The following CBFB variants were observed in gnomAD, a reference collection of about 807,000 sequenced individuals.
CBFB encodes the protein CBF-beta.
In CBFB, 9 loss-of-function variants were observed where a neutral mutation model predicts 30.4. That is an observed-to-expected ratio of 0.30 (90% CI 0.18 to 0.52). The LOEUF (loss-of-function observed/expected upper bound fraction) is 0.52. CBFB is among the 20% of genes least tolerant of loss of function. CBFB has a pLI of 0.97. For missense variants in CBFB, 170 were observed against 244.0 expected (o/e 0.70, Z 2.02); for synonymous variants, 94 against 84.0 (o/e 1.12, Z -0.65).
chr16:67,064,822 TTTGTTGTTGTTTTTTA>T (rs970373622), intron 3 of CBFB, among the ~76,000 whole-genome samples: 4 of 152,266 alleles, frequency 2.6e-5, no homozygotes, highest in South Asian at 2.1e-4. Flanking sequence ...GTTTTTGTTT[TTTGTTGTTGTTTTTTA>T]TTGTTGTTGT....
At chr16:67,048,407 G>T (rs1966668834) in intron 3 of CBFB, among the ~76,000 whole-genome samples, 1 of 152,106 alleles carries the variant, frequency 6.6e-6, no homozygotes, top group South Asian at 2.1e-4. Context: ...GAGCTTTTTG[G>T]TTCTTCCTGA....
chr16:67,048,553 T>TTTTG (rs1035639280), intron 3 of CBFB, among the ~76,000 whole-genome samples: 1 of 152,040 alleles, frequency 6.6e-6, no homozygotes, highest in African/African-American at 2.4e-5. Flanking sequence ...GAATGGTGTT[T>TTTTG]TTTGTTTGTT....
At chr16:67,091,996 C>T (rs1961898121) in intron 5 of CBFB, among the ~76,000 whole-genome samples, 1 of 152,136 alleles carries the variant, frequency 6.6e-6, no homozygotes, top group African/African-American at 2.4e-5. Context: ...GCCTCAGCCT[C>T]CCAGTCATCT....
rs188730610 is a variant in CBFB at position 67,087,942 on chromosome 16, G to A, written c.495+5634G>A. ...GCACTAAAAGCTCCACCATAATGCT[G>A]GTTCCAGTTAATTGAATTATTTGGC... On this transcript the variant is annotated intron_variant, in intron 5 of 5. Coordinates refer to ENST00000412916, the MANE Select transcript of CBFB (RefSeq NM_022845.3). Among the ~76,000 whole-genome samples the A allele has an allele frequency of 7.8e-4, 119 of 152,226 alleles. 1 individual carries two copies. The highest frequency in any genetic ancestry group is 4.1e-4 in the Non-Finnish European group (28 of 68,014).
At chr16:67,085,836 C>A (rs1961714012) in intron 5 of CBFB, among the ~76,000 whole-genome samples, 2 of 151,636 alleles carry the variant, frequency 1.3e-5, no homozygotes, top group South Asian at 4.2e-4. Context: ...CGCCACCATG[C>A]CCGGCTAATT....
At position 67,099,735 on chromosome 16, in the gene CBFB, A is replaced by T. The variant is rs1297392214; in HGVS notation, c.*957A>T. On this transcript the variant is annotated 3_prime_UTR_variant, in exon 6 of 6. Coordinates refer to ENST00000412916, the MANE Select transcript of CBFB (RefSeq NM_022845.3). ...TTAAAAAGTCAATCAGAAAAGGGAT[A>T]CTGGAGCTTCTTCATGTATGTAACA... 1 of 205,164 alleles carries T rather than the reference A, an allele frequency of 4.9e-6. No individual in the cohort carries two copies. Among genetic ancestry groups the T allele is most frequent in the Admixed American group, 6.0e-5 (1 of 16,718 alleles). 12.7% of individuals were successfully genotyped at this position (205,164 alleles called of 1,614,324 possible). A position where few individuals can be genotyped will look rare whatever the true frequency, so the allele number is the denominator to read the frequency against.
At chr16:67,035,515 A>C (rs1966428397) in intron 2 of CBFB, among the ~76,000 whole-genome samples, 1 of 152,234 alleles carries the variant, frequency 6.6e-6, no homozygotes, top group African/African-American at 2.4e-5. Flanking sequence ...GAGATTTAGC[A>C]TTTAGGTTGA....
chr16:67,060,109 C>T (rs1263176751), intron 3 of CBFB, among the ~76,000 whole-genome samples: 1 of 151,750 alleles, frequency 6.6e-6, no homozygotes, highest in South Asian at 2.1e-4. Context: ...CAGAGAGTAG[C>T]GGGGACTGCA....
chr16:67,071,427 C>G lies in CBFB; in HGVS notation c.399+4629C>G, dbSNP rs968089199. Among the ~76,000 whole-genome samples the G allele has an allele frequency of 4.6e-5, 7 of 152,282 alleles. No homozygotes were observed. The South Asian group carries it at 8.3e-4, about 18-fold the overall frequency. On this transcript the variant is annotated intron_variant, in intron 4 of 5. Transcript: ENST00000412916. The stretch of plus-strand genomic sequence containing the variant: ...AGAGACAGGAGAGAGCTCTCTGTCT[C>G]TCTCTCTGCCGTATGAGGACACAGT...
rs2145713517 is a variant in CBFB, at chr16:67,036,698, A to G, written c.225A>G (p.Gly75=). The part of the protein sequence containing the change: ...SLQFFPASWQ[G]EQRQTPSREY... ...AGTTTTTTCCGGCCAGCTGGCAGGGAGAACAGCGACAAACACCTAGCCGAG... is the reference window on the plus strand; with the variant it reads ...AGTTTTTTCCGGCCAGCTGGCAGGGGGAACAGCGACAAACACCTAGCCGAG... The change falls in exon 3 of 6, where the codon GGA becomes GGG. Residue 75 remains glycine (G), a synonymous_variant. Transcript: ENST00000412916. 1 of 1,614,030 alleles carries G rather than the reference A, an allele frequency of 6.2e-7. No individual in the cohort carries two copies.
chr16:67,040,876 G>A (rs1966516754), intron 3 of CBFB, among the ~76,000 whole-genome samples: 1 of 152,180 alleles, frequency 6.6e-6, no homozygotes, highest in South Asian at 2.1e-4. Context: ...CAGGGGTTGG[G>A]GGTGGAGGAG....
chr16:67,062,513 C>T (rs1385257504), intron 3 of CBFB, among the ~76,000 whole-genome samples: 1 of 151,168 alleles, frequency 6.6e-6, no homozygotes, highest in Non-Finnish European at 1.5e-5. Context: ...AATAAGCTGG[C>T]CGGTGCGGTG....
At position 67,066,770 on chromosome 16, in the gene CBFB, G is replaced by A. The variant is rs1434504398; in HGVS notation, c.371G>A (p.Cys124Tyr). The change falls in exon 4 of 6, where the codon TGT (cysteine) becomes TAT (tyrosine). Residue 124 changes from cysteine (C) to tyrosine (Y), a missense_variant. Transcript: ENST00000412916. ...IDLQRLDGMGCLEFDEERAQQ... is the reference protein window; with the variant it reads ...IDLQRLDGMGYLEFDEERAQQ... ...CTCCAAAGACTGGATGGTATGGGCT[G>A]TCTGGAGTTTGATGAGGAGCGAGCC... 1.9e-6 allele frequency: 3 copies of A among 1,608,508 alleles called. No homozygotes were observed. The highest frequency in any genetic ancestry group is 2.5e-6 in the Non-Finnish European group (3 of 1,176,924).
intron 4 of CBFB, among the ~76,000 whole-genome samples, chr16:67,080,081 G>C (rs1225092223): frequency 6.6e-6 from 1 of 152,330 alleles, no homozygotes; most frequent in African/African-American, 2.4e-5. Flanking sequence ...AACAGAGTGA[G>C]ACTCTGTCTC....
intron 5 of CBFB, among the ~76,000 whole-genome samples, chr16:67,094,507 A>G (rs1961983834): frequency 6.6e-6 from 1 of 152,216 alleles, no homozygotes; most frequent in African/African-American, 2.4e-5. Flanking sequence ...TATTTGGAGT[A>G]ATCCCATTAT....
At chr16:67,046,875 G>C (rs1966635984) in intron 3 of CBFB, among the ~76,000 whole-genome samples, 1 of 152,164 alleles carries the variant, frequency 6.6e-6, no homozygotes, top group Admixed American at 6.5e-5. Flanking sequence ...AAGTATAATA[G>C]TGATATGGTA....
At chr16:67,030,603 T>A (rs62057939) in intron 2 of CBFB, among the ~76,000 whole-genome samples, 4,574 of 152,116 alleles carry the variant, frequency 0.03, 108 homozygotes, top group Non-Finnish European at 0.044. Flanking sequence ...AGAGGTTGAT[T>A]ATTACTATTT....
intron 5 of CBFB, chr16:67,093,527 C>CT (rs1018389668): frequency 6.6e-6 from 1 of 151,932 alleles, no homozygotes; most frequent in Admixed American, 6.6e-5. Flanking sequence ...GTTCTTTCGT[C>CT]TCATTTGGAG....
chr16:67,056,468 T>TA (rs1960726127), intron 3 of CBFB, among the ~76,000 whole-genome samples: 1 of 152,226 alleles, frequency 6.6e-6, no homozygotes, highest in South Asian at 2.1e-4. Context: ...TGTTCACTGA[T>TA]ACAGTGTTCA....
Sources: allele counts gnomAD v4.1 joint callset (sites outside exome capture counted in the v4.1 genomes callset), GRCh38; gene constraint gnomAD v4.1.1; transcripts MANE v1.5; gene names NCBI Gene and HGNC (gene_info 2026-07-23, HGNC 2026-07-21).